ZC3H12D: variants seen among roughly 807,000 people sequenced by gnomAD.
ZC3H12D encodes the protein zinc finger CCCH-type containing 12D, also known as probable ribonuclease ZC3H12D.
A neutral mutation model predicts 24.2 loss-of-function variants in ZC3H12D; 11 were observed. The observed-to-expected ratio is 0.46, with a 90% CI of 0.29 to 0.75. The LOEUF (loss-of-function observed/expected upper bound fraction) is 0.75, where lower values mean the gene tolerates loss of function less well. Among genes scored for constraint, ZC3H12D ranks in the 30% least tolerant of loss-of-function variants. The pLI, the probability that ZC3H12D is intolerant of heterozygous loss-of-function variation, is 0.11. For synonymous variants in ZC3H12D, 333 were observed against 341.8 expected (o/e 0.97, Z 0.28); for missense variants, 740 against 767.7 (o/e 0.96, Z 0.43).
chr6:149,472,274 G>C (rs1035919100), intron 2 of ZC3H12D, among the ~76,000 whole-genome samples: 9 of 152,186 alleles, frequency 5.9e-5, no homozygotes, highest in African/African-American at 2.2e-4. Flanking sequence ...GGTGGCGGTT[G>C]TGCTATTTGT....
In ZC3H12D at chr6:149,450,770, G is replaced by T; in HGVS notation, c.1497C>A (p.Ala499=). 6.5e-7 allele frequency: 1 copy of T among 1,549,276 alleles called. No individual in the cohort carries two copies. The highest frequency in any genetic ancestry group is 1.4e-5 in the African/African-American group (1 of 73,178). The change falls in exon 6 of 6, where the codon GCC becomes GCA. Residue 499 remains alanine (A), a synonymous_variant. Coordinates refer to ENST00000409806, the MANE Select transcript of ZC3H12D (RefSeq NM_207360.3). ...FPRDQVDRVM[A]AFPELSDLAR... ...CGAGGTCTGAGAGCTCCGGGAACGC[G>T]GCCATCACGCGGTCCACCTGGTCAC...
At chr6:149,451,583 GGA>G (rs1775897230) in intron 5 of ZC3H12D, 104 bp from the exon 6 acceptor site, 2 of 1,051,208 alleles carry the variant, frequency 1.9e-6, no homozygotes, top group East Asian at 6.6e-5. Context: ...GCCTCTCCGT[GGA>G]GATTCCTCCA....
At position 149,456,554 on chromosome 6, in the gene ZC3H12D, G is replaced by C. The variant is rs1397129532; in HGVS notation, c.680+112C>G. 4.5e-6 allele frequency: 4 copies of C among 897,970 alleles called. No individual in the cohort carries two copies. The highest frequency in any genetic ancestry group is 6.8e-6 in the Non-Finnish European group (4 of 588,930). 55.6% of individuals were successfully genotyped at this position (897,970 alleles called of 1,614,324 possible). A position where few individuals can be genotyped will look rare whatever the true frequency, so the allele number is the denominator to read the frequency against. ...TGGGGGAGCTCTGTCTGAGGGGCTG[G>C]GTGACCGGGTGACCCCAAGCTCCTC... On this transcript the variant is annotated intron_variant, in intron 4 of 5. Coordinates refer to ENST00000409806, the MANE Select transcript of ZC3H12D (RefSeq NM_207360.3). The surrounding 1 kb of genome is among the most constrained non-coding windows in gnomAD (Gnocchi z 4.3).
chr6:149,450,978 C>G lies in ZC3H12D; in HGVS notation c.1289G>C (p.Arg430Pro), dbSNP rs763023237. ...GGCCCACGGGTCGTCGGGTGGCCTGCGCGGGGAAAGCAAGTCGCCGTGCAG... is the reference window on the plus strand; with the variant it reads ...GGCCCACGGGTCGTCGGGTGGCCTGGGCGGGGAAAGCAAGTCGCCGTGCAG... ...RDLHGDLLSP[R>P]RPPDDPWARP... Residue 430 changes from arginine to proline, a missense_variant, in exon 6 of 6, where the codon CGC becomes CCC. Coordinates refer to ENST00000409806, the MANE Select transcript of ZC3H12D (RefSeq NM_207360.3). 3 of 1,519,872 alleles carry G rather than the reference C, an allele frequency of 2.0e-6. No homozygotes were observed. In the African/African-American group the frequency reaches 4.2e-5, roughly 21 times the overall value. 94.1% of individuals were successfully genotyped at this position (1,519,872 alleles called of 1,614,324 possible).
chr6:149,471,855 G>A (rs1392564894), intron 2 of ZC3H12D, among the ~76,000 whole-genome samples: 1 of 152,212 alleles, frequency 6.6e-6, no homozygotes, highest in African/African-American at 2.4e-5. Context: ...AAGAACAGGT[G>A]TCCCACTCAG....
chr6:149,479,821 T>C (rs1235332689), intron 1 of ZC3H12D, among the ~76,000 whole-genome samples: 2 of 152,186 alleles, frequency 1.3e-5, no homozygotes, highest in African/African-American at 4.8e-5. Flanking sequence ...CACAGGTGTA[T>C]GCCACCATGC....
At chr6:149,480,207 C>T (rs913506882) in intron 1 of ZC3H12D, among the ~76,000 whole-genome samples, 8 of 152,124 alleles carry the variant, frequency 5.3e-5, no homozygotes, top group Non-Finnish European at 4.4e-5. Flanking sequence ...AGAAAATAGA[C>T]AAAAAACATT....
chr6:149,469,005 C>T (rs543367144), intron 2 of ZC3H12D, among the ~76,000 whole-genome samples: 9 of 152,286 alleles, frequency 5.9e-5, no homozygotes, highest in African/African-American at 2.2e-4. Flanking sequence ...AAAATGAGGA[C>T]ACATTTACAT....
rs1199527493 is a variant in ZC3H12D at position 149,481,443 on chromosome 6, C to T, written c.-71+3370G>A. 3.3e-5 allele frequency among the ~76,000 whole-genome samples: 5 copies of T among 150,746 alleles called. 1 individual carries two copies. Among genetic ancestry groups the T allele is most frequent in the South Asian group, 2.2e-4 (1 of 4,478 alleles). On this transcript the variant is annotated intron_variant, in intron 1 of 5. Coordinates refer to ENST00000409806, the MANE Select transcript of ZC3H12D (RefSeq NM_207360.3). Reference sequence around the variant, plus strand: ...AGGCTGGAGTGAAATGGTGCGACCTCGGCTCACTGCAACCTCCACCTCCTG... The same window carrying T: ...AGGCTGGAGTGAAATGGTGCGACCTTGGCTCACTGCAACCTCCACCTCCTG...
intron 1 of ZC3H12D, among the ~76,000 whole-genome samples, chr6:149,478,539 A>G (rs1223254296): frequency 1.3e-5 from 2 of 152,200 alleles, no homozygotes; most frequent in Non-Finnish European, 2.9e-5. Context: ...CCAGCGATAG[A>G]TAGAATCCAC....
intron 4 of ZC3H12D, among the ~76,000 whole-genome samples, chr6:149,453,104 G>A (rs1385285574): frequency 7.0e-6 from 1 of 143,114 alleles, no homozygotes; most frequent in African/African-American, 2.6e-5. Context: ...GGACAACATA[G>A]TGAAACCTTG....
intron 3 of ZC3H12D, chr6:149,459,543 G>T (rs1164174700): frequency 1.5e-5 from 11 of 716,078 alleles, no homozygotes; most frequent in Non-Finnish European, 2.9e-5. Context: ...CCATTGCCCT[G>T]CAGTCTTGGA....
Position 149,450,008 on chromosome 6 carries a change from AAGCGCTCCTACCACTTGTCCCC to A in ZC3H12D, c.*653_*674del, listed in dbSNP as rs1775861649. 1 of 148,924 alleles carries A rather than the reference AAGCGCTCCTACCACTTGTCCCC, an allele frequency of 6.7e-6. No homozygotes were observed. The highest frequency in any genetic ancestry group is 6.7e-5 in the Admixed American group (1 of 14,828). The allele number at this position is 148,924 out of a possible 1,614,324, so 9.2% of individuals were successfully genotyped here. On this transcript the variant is annotated 3_prime_UTR_variant, in exon 6 of 6. Coordinates refer to ENST00000409806, the MANE Select transcript of ZC3H12D (RefSeq NM_207360.3). ...GGCCCCAGAAGGTGGCCCTGGGACA[AAGCGCTCCTACCACTTGTCCCC>A]AGCATAGGACAGCCACACAATTCAG...
In ZC3H12D at chr6:149,449,774, G is replaced by A. The variant is rs2114999510; in HGVS notation, c.*909C>T. The A allele has an allele frequency of 6.6e-6, 1 of 152,248 alleles. No homozygotes were observed. The highest frequency in any genetic ancestry group is 2.1e-4 in the South Asian group (1 of 4,824). 9.4% of individuals were successfully genotyped at this position (152,248 alleles called of 1,614,324 possible). A position where few individuals can be genotyped will look rare whatever the true frequency, so the allele number is the denominator to read the frequency against. On this transcript the variant is annotated 3_prime_UTR_variant, in exon 6 of 6. Transcript: ENST00000409806. ...CTGTTTAAAAAAAGAAGAAGAAGAA[G>A]AAGTAAAAGAAGGCAGCTCAGCTGG...
intron 2 of ZC3H12D, among the ~76,000 whole-genome samples, chr6:149,465,613 G>C (rs1006031940): frequency 6.6e-6 from 1 of 151,998 alleles, no homozygotes; most frequent in Non-Finnish European, 1.5e-5. Flanking sequence ...AATTTAGCTA[G>C]GTGTGATGGC....
chr6:149,477,939 C>T (rs1447552778), intron 1 of ZC3H12D, among the ~76,000 whole-genome samples: 1 of 151,936 alleles, frequency 6.6e-6, no homozygotes, highest in Non-Finnish European at 1.5e-5. Context: ...GAGGCTGAGG[C>T]GGGCGGATCA....
intron 3 of ZC3H12D, chr6:149,459,722 C>A (rs1470576426): frequency 1.4e-6 from 1 of 717,326 alleles, no homozygotes; most frequent in Non-Finnish European, 2.6e-6. Flanking sequence ...AGAAGCCTCC[C>A]ATTGTGGCTG....
At chr6:149,471,032 C>T (rs73779372) in intron 2 of ZC3H12D, among the ~76,000 whole-genome samples, 3,096 of 152,292 alleles carry the variant, frequency 0.02, 75 homozygotes, top group South Asian at 0.11. Context: ...TTACCAGGTC[C>T]CCATCTTCCA....
chr6:149,459,668 C>T, intron 3 of ZC3H12D: 2 of 718,038 alleles, frequency 2.8e-6, no homozygotes, highest in Admixed American at 2.0e-5. Flanking sequence ...ACTCATTTCC[C>T]ATCCCTATCC....
Sources: allele counts gnomAD v4.1 joint callset (sites outside exome capture counted in the v4.1 genomes callset), GRCh38; gene constraint gnomAD v4.1.1; non-coding constraint Gnocchi (gnomAD v3.1); transcripts MANE v1.5; gene names NCBI Gene and HGNC (gene_info 2026-07-23, HGNC 2026-07-21).